Variants in CDH12 observed in about 807,000 individuals in gnomAD.
CDH12 encodes the protein cadherin 12.
In CDH12, 41 loss-of-function variants were observed where a neutral mutation model predicts 74.1. The ratio of observed to expected loss-of-function variants is 0.55; its 90% confidence interval spans 0.43 to 0.72. The LOEUF (loss-of-function observed/expected upper bound fraction) is 0.72, where lower values mean the gene tolerates loss of function less well. Ranked by LOEUF, CDH12 falls within the 30% of genes least tolerant of loss-of-function variation. CDH12 has a pLI of 0.00. For missense variants in CDH12, 945 were observed against 977.2 expected (o/e 0.97, Z 0.44); for synonymous variants, 399 against 355.0 (o/e 1.12, Z -1.39).
In CDH12 at chr5:22,832,837, G is replaced by A. The variant is rs1472601954; in HGVS notation, c.-523+20221C>T. Among the ~76,000 whole-genome samples, 7 of 152,014 alleles carry A rather than the reference G, an allele frequency of 4.6e-5. No homozygotes were observed. The East Asian group carries it at 1.4e-3, about 29-fold the overall frequency. On this transcript the variant is annotated intron_variant, in intron 1 of 14. Coordinates refer to ENST00000382254, the MANE Select transcript of CDH12 (RefSeq NM_004061.5). ...TGATACAAATATTATTTTTGCTCTT[G>A]CACTTCAGAGGCCCAATAATGTCCT...
intron 2 of CDH12, among the ~76,000 whole-genome samples, chr5:22,417,709 T>C (rs1359411249): frequency 6.6e-6 from 1 of 152,238 alleles, no homozygotes; most frequent in Admixed American, 6.5e-5. Flanking sequence ...CTATCAGTTG[T>C]GATATGTTGC....
At chr5:21,978,581 T>C (rs1419457433) in intron 5 of CDH12, among the ~76,000 whole-genome samples, 1 of 152,220 alleles carries the variant, frequency 6.6e-6, no homozygotes, top group Non-Finnish European at 1.5e-5. Flanking sequence ...ACACACTATA[T>C]AAATAAATGA....
At chr5:22,801,635 T>C (rs898890730) in intron 1 of CDH12, among the ~76,000 whole-genome samples, 2 of 87,910 alleles carry the variant, frequency 2.3e-5, no homozygotes, top group Admixed American at 1.5e-4. Flanking sequence ...ACTCTGCTTA[T>C]CATATATATA....
At chr5:21,857,760 G>A (rs1476654114) in intron 6 of CDH12, among the ~76,000 whole-genome samples, 1 of 151,826 alleles carries the variant, frequency 6.6e-6, no homozygotes, top group Non-Finnish European at 1.5e-5. Context: ...TTTGGATATT[G>A]TATTGGTCAG....
At chr5:22,206,089 A>G (rs1001194388) in intron 4 of CDH12, among the ~76,000 whole-genome samples, 3 of 152,122 alleles carry the variant, frequency 2.0e-5, no homozygotes, top group Non-Finnish European at 4.4e-5. Context: ...AGGTTGATCA[A>G]CATCTGATTC....
At chr5:22,587,114 T>G (rs1740443810) in intron 1 of CDH12, among the ~76,000 whole-genome samples, 1 of 151,972 alleles carries the variant, frequency 6.6e-6, no homozygotes, top group Admixed American at 6.6e-5. Flanking sequence ...GGGATTACAG[T>G]CGTGAGCCAT....
chr5:22,001,360 G>A (rs1195186762), intron 5 of CDH12, among the ~76,000 whole-genome samples: 1 of 152,012 alleles, frequency 6.6e-6, no homozygotes, highest in African/African-American at 2.4e-5. Flanking sequence ...ATCAATGGCT[G>A]TATTTTGCCC....
intron 1 of CDH12, among the ~76,000 whole-genome samples, chr5:22,668,847 A>C (rs1164819911): frequency 6.6e-6 from 1 of 150,860 alleles, no homozygotes; most frequent in Non-Finnish European, 1.5e-5. Flanking sequence ...CCACCCTTTT[A>C]TCTCTTCTCC....
chr5:22,449,079 G>T (rs1279407896), intron 2 of CDH12, among the ~76,000 whole-genome samples: 1 of 151,168 alleles, frequency 6.6e-6, no homozygotes, highest in Admixed American at 6.6e-5. Flanking sequence ...TATATATAAT[G>T]CCTTGAATAC....
At chr5:22,523,440 A>T (rs777580596) in intron 1 of CDH12, among the ~76,000 whole-genome samples, 4 of 152,154 alleles carry the variant, frequency 2.6e-5, no homozygotes. Context: ...TCCACTAGAG[A>T]ATGCATTTTT....
intron 3 of CDH12, among the ~76,000 whole-genome samples, chr5:22,389,039 C>A (rs1489295236): frequency 6.6e-6 from 1 of 152,156 alleles, no homozygotes; most frequent in Non-Finnish European, 1.5e-5. Flanking sequence ...GGTTCTTTGT[C>A]AATTTATGAC....
chr5:22,240,074 C>T (rs938098214), intron 3 of CDH12, among the ~76,000 whole-genome samples: 1 of 152,240 alleles, frequency 6.6e-6, no homozygotes, highest in South Asian at 2.1e-4. Context: ...GTTATATGTG[C>T]ATTTCAAGAT....
At chr5:22,225,430 A>G (rs767034696) in intron 3 of CDH12, among the ~76,000 whole-genome samples, 8 of 152,098 alleles carry the variant, frequency 5.3e-5, no homozygotes, top group Non-Finnish European at 1.0e-4. Flanking sequence ...GTCAGCAATT[A>G]TTGCTAATAC....
At position 22,054,026 on chromosome 5, in the gene CDH12, T is replaced by C. The variant is rs540078360; in HGVS notation, c.231+24420A>G. 2.1e-4 allele frequency among the ~76,000 whole-genome samples: 32 copies of C among 152,218 alleles called. 1 individual carries two copies. In the South Asian group the frequency reaches 5.6e-3, roughly 27 times the overall value. The stretch of plus-strand genomic sequence containing the variant: ...TAGGCTAGAAGTTGAAGAACACGAC[T>C]TGTTTTTTTTTAATTTTTATTATTT... On this transcript the variant is annotated intron_variant, in intron 5 of 14. Transcript: ENST00000382254.
intron 11 of CDH12, among the ~76,000 whole-genome samples, chr5:21,775,403 G>A (rs940383279): frequency 6.6e-6 from 1 of 152,244 alleles, no homozygotes. Context: ...GGGCACACAG[G>A]TAGAGGAGAT....
chr5:22,314,544 A>G (rs763727448), intron 3 of CDH12, among the ~76,000 whole-genome samples: 23 of 152,188 alleles, frequency 1.5e-4, no homozygotes, highest in Non-Finnish European at 2.2e-4. Context: ...GTGAGAAAAT[A>G]CATTTCTGTT....
At chr5:22,269,646 C>A (rs1053833323) in intron 3 of CDH12, among the ~76,000 whole-genome samples, 1 of 152,088 alleles carries the variant, frequency 6.6e-6, no homozygotes, top group Admixed American at 6.6e-5. Context: ...AGCAAGGCAG[C>A]CAGTTAGTTG....
intron 1 of CDH12, among the ~76,000 whole-genome samples, chr5:22,551,461 T>C (rs1738566662): frequency 6.6e-6 from 1 of 152,162 alleles, no homozygotes; most frequent in Admixed American, 6.5e-5. Flanking sequence ...GTGTGGTTGC[T>C]ACCCAACCTT....
At chr5:21,941,390 G>T (rs1755322840) in intron 6 of CDH12, among the ~76,000 whole-genome samples, 1 of 152,084 alleles carries the variant, frequency 6.6e-6, no homozygotes, top group African/African-American at 2.4e-5. Context: ...TCATTTAATA[G>T]CATGCATGCT....
Sources: allele counts gnomAD v4.1 joint callset (sites outside exome capture counted in the v4.1 genomes callset), GRCh38; gene constraint gnomAD v4.1.1; transcripts MANE v1.5; gene names NCBI Gene and HGNC (gene_info 2026-07-23, HGNC 2026-07-21).